The following KIAA1549L variants were observed in gnomAD, a reference collection of about 807,000 sequenced individuals.
KIAA1549L encodes the protein UPF0606 protein KIAA1549L.
In KIAA1549L, 88 loss-of-function variants were observed where a neutral mutation model predicts 160.7. The ratio of observed to expected loss-of-function variants is 0.55; its 90% CI spans 0.46 to 0.65. KIAA1549L has a LOEUF of 0.65. Ranked by LOEUF, KIAA1549L falls within the 30% of genes least tolerant of loss-of-function variation. KIAA1549L has a pLI of 0.00. For synonymous variants in KIAA1549L, 950 were observed against 976.7 expected, an observed-to-expected ratio of 0.97 and a Z score of 0.51; for missense variants, 2,258 against 2,437.5, an observed-to-expected ratio of 0.93 and a Z score of 1.55.
In KIAA1549L at chr11:33,543,757, A is replaced by C. The variant is rs1020681329; in HGVS notation, c.2194A>C (p.Thr732Pro). The change falls in exon 2 of 21, where the codon ACA becomes CCA. Residue 732 changes from threonine to proline, a missense_variant. By Grantham distance (38) the Thr-to-Pro change is conservative. Transcript: ENST00000658780. ...YDLNGHTIST[T>P]SWETHLAPTA... ...TTTAAATGGACACACAATTAGCACC[A>C]CAAGTTGGGAAACTCATTTAGCTCC... 3 of 1,613,950 alleles carry C rather than the reference A, an allele frequency of 1.9e-6. No homozygotes were observed. In the African/African-American group the frequency reaches 4.0e-5, roughly 22 times the overall value.
chr11:33,641,792 C>T (rs1335737132), intron 16 of KIAA1549L, among the ~76,000 whole-genome samples: 3 of 151,288 alleles, frequency 2.0e-5, no homozygotes, highest in Non-Finnish European at 4.4e-5. Context: ...CTTATAAGGA[C>T]AAAAAGAGCC....
chr11:33,528,268 A>G (rs1853659943), intron 1 of KIAA1549L, among the ~76,000 whole-genome samples: 1 of 152,236 alleles, frequency 6.6e-6, no homozygotes, highest in South Asian at 2.1e-4. Context: ...CATCAAAACC[A>G]CAATGCAATA....
chr11:33,393,712 C>T (rs1197773169), intron 1 of KIAA1549L, among the ~76,000 whole-genome samples: 5 of 152,150 alleles, frequency 3.3e-5, no homozygotes, highest in South Asian at 2.1e-4. Flanking sequence ...AGCAGTGCTA[C>T]TTATACCGTG....
At chr11:33,408,949 C>CAAAAAAAA (rs763850676) in intron 1 of KIAA1549L, among the ~76,000 whole-genome samples, 1 of 66,842 alleles carries the variant, frequency 1.5e-5, no homozygotes, top group African/African-American at 6.2e-5. Flanking sequence ...GACTCCATCT[C>CAAAAAAAA]AAAAAAAAAA....
Position 33,419,491 on chromosome 11 carries a change from TC to T in KIAA1549L, c.238+42608del, listed in dbSNP as rs1200558954. Among the ~76,000 whole-genome samples, 5 of 152,206 alleles carry T rather than the reference TC, an allele frequency of 3.3e-5. No homozygotes were observed. In the South Asian group the frequency reaches 8.3e-4, roughly 25 times the overall value. ...GTCAGATTTATTACTCTTTGGGATT[TC>T]CCCCCGTCCTTCATCAGAATAGTGC... On this transcript the variant is annotated intron_variant, in intron 1 of 20. Coordinates refer to ENST00000658780, the MANE Select transcript of KIAA1549L (RefSeq NM_012194.3).
intron 1 of KIAA1549L, among the ~76,000 whole-genome samples, chr11:33,446,162 T>C (rs1163375945): frequency 6.6e-6 from 1 of 150,900 alleles, no homozygotes; most frequent in Non-Finnish European, 1.5e-5. Flanking sequence ...TGGTGCCGTC[T>C]CAGCTCACTG....
At chr11:33,638,678 G>A (rs1851508425) in intron 16 of KIAA1549L, among the ~76,000 whole-genome samples, 1 of 151,986 alleles carries the variant, frequency 6.6e-6, no homozygotes, top group Admixed American at 6.5e-5. Flanking sequence ...TGGAATTTCT[G>A]GGTCATAGGG....
At chr11:33,495,083 TTTA>T (rs367711015) in intron 1 of KIAA1549L, among the ~76,000 whole-genome samples, 26 of 152,014 alleles carry the variant, frequency 1.7e-4, no homozygotes, top group East Asian at 9.7e-4. Flanking sequence ...CATTTGCTAC[TTTA>T]TTATTATTAT....
At chr11:33,462,507 T>A (rs1384843748) in intron 1 of KIAA1549L, among the ~76,000 whole-genome samples, 1 of 152,246 alleles carries the variant, frequency 6.6e-6, no homozygotes, top group Non-Finnish European at 1.5e-5. Flanking sequence ...ATAATGAGAA[T>A]TATGTAATTC....
intron 1 of KIAA1549L, among the ~76,000 whole-genome samples, chr11:33,541,286 G>A (rs911764529): frequency 8.5e-5 from 13 of 152,150 alleles, no homozygotes; most frequent in African/African-American, 3.1e-4. Flanking sequence ...ATAGCACCTG[G>A]AATCCTTTTA....
At chr11:33,387,059 A>T (rs892773830) in intron 1 of KIAA1549L, among the ~76,000 whole-genome samples, 2 of 151,886 alleles carry the variant, frequency 1.3e-5, no homozygotes, top group African/African-American at 4.8e-5. Context: ...GTGAGTCGGG[A>T]TTGTGCCACT....
chr11:33,575,003 T>C, intron 10 of KIAA1549L, 130 bp downstream of exon 10: 2 of 760,368 alleles, frequency 2.6e-6, no homozygotes, highest in Middle Eastern at 2.4e-4. Flanking sequence ...GGTTCTTAAA[T>C]CAATCAGCTA....
chr11:33,631,061 C>T (rs1851273422), intron 16 of KIAA1549L, among the ~76,000 whole-genome samples: 1 of 152,166 alleles, frequency 6.6e-6, no homozygotes. Context: ...GGGTTTGTTC[C>T]TTCCTGTCTG....
chr11:33,526,063 A>AT (rs1853604862), intron 1 of KIAA1549L, among the ~76,000 whole-genome samples: 1 of 152,092 alleles, frequency 6.6e-6, no homozygotes, highest in South Asian at 2.1e-4. Context: ...AGCCGAAGAC[A>AT]TAAGGTCTTG....
intron 9 of KIAA1549L, 34 bp from the exon 10 acceptor site, chr11:33,574,668 C>T (rs747650315): frequency 4.4e-6 from 7 of 1,589,146 alleles, no homozygotes; most frequent in South Asian, 1.1e-5. Flanking sequence ...ATGCAAAATG[C>T]CCTGCAAACA....
intron 1 of KIAA1549L, among the ~76,000 whole-genome samples, chr11:33,431,495 C>T (rs917168500): frequency 6.6e-6 from 1 of 152,210 alleles, no homozygotes; most frequent in African/African-American, 2.4e-5. Flanking sequence ...AAGGCCCCAC[C>T]AGAGTAGCTA....
At chr11:33,625,833 C>G (rs1851095616) in intron 16 of KIAA1549L, among the ~76,000 whole-genome samples, 1 of 152,052 alleles carries the variant, frequency 6.6e-6, no homozygotes. Context: ...AAGTCCTTGC[C>G]CATGTCTATG....
chr11:33,546,463 C>T (rs750357460), intron 3 of KIAA1549L, among the ~76,000 whole-genome samples: 14 of 152,118 alleles, frequency 9.2e-5, no homozygotes, highest in Non-Finnish European at 1.9e-4. Flanking sequence ...AATCAATCAC[C>T]AGTTCCTTTC....
intron 1 of KIAA1549L, among the ~76,000 whole-genome samples, chr11:33,442,949 T>C (rs1056438862): frequency 1.3e-5 from 2 of 152,226 alleles, no homozygotes; most frequent in South Asian, 2.1e-4. Flanking sequence ...GTCTGATATA[T>C]GCTACTTATC....
Sources: allele counts gnomAD v4.1 joint callset (sites outside exome capture counted in the v4.1 genomes callset), GRCh38; gene constraint gnomAD v4.1.1; transcripts MANE v1.5; gene names NCBI Gene and HGNC (gene_info 2026-07-23, HGNC 2026-07-21).